The following ZNF704 variants were observed in gnomAD, a reference collection of about 807,000 sequenced individuals.
ZNF704 encodes the protein zinc finger protein 704, also known as glucocorticoid induced gene 1.
ZNF704 carries 10 observed loss-of-function variants against 44.7 expected under a neutral mutation model. That is an observed-to-expected ratio of 0.22 (90% CI 0.14 to 0.38). The LOEUF (loss-of-function observed/expected upper bound fraction) is 0.38. Among genes scored for constraint, ZNF704 ranks in the 10% least tolerant of loss-of-function variants. The pLI is 1.00. For missense variants in ZNF704, 390 were observed against 545.5 expected, an observed-to-expected ratio of 0.71 and a Z score of 2.84; for synonymous variants, 211 against 207.6, an observed-to-expected ratio of 1.02 and a Z score of -0.14.
chr8:80,715,194 G>A (rs1176760118), intron 2 of ZNF704, among the ~76,000 whole-genome samples: 2 of 152,198 alleles, frequency 1.3e-5, no homozygotes, highest in Admixed American at 1.3e-4. Flanking sequence ...AATACAGGAT[G>A]CATTTTCGGA....
At chr8:80,672,976 T>G (rs1176158822) in intron 4 of ZNF704, among the ~76,000 whole-genome samples, 1 of 152,078 alleles carries the variant, frequency 6.6e-6, no homozygotes, top group Non-Finnish European at 1.5e-5. Flanking sequence ...CTAATTAACG[T>G]AGTAAATAAC....
rs1817682341 is a variant in ZNF704 at position 80,637,601 on chromosome 8, A to G, written c.*3765T>C. On this transcript the variant is annotated 3_prime_UTR_variant, in exon 9 of 9. Coordinates refer to ENST00000327835, the MANE Select transcript of ZNF704 (RefSeq NM_001033723.3). The stretch of plus-strand genomic sequence containing the variant: ...TTCAAAAATCTTTTGCAACATATAC[A>G]CATGTGACTATCTCTTTGAAAAGTT... 6.6e-6 allele frequency: 1 copy of G among 152,206 alleles called. No homozygotes were observed. The highest frequency in any genetic ancestry group is 1.5e-5 in the Non-Finnish European group (1 of 68,026). The allele number at this position is 152,206 out of a possible 1,614,324, so 9.4% of individuals were successfully genotyped here. A position where few individuals can be genotyped will look rare whatever the true frequency, so the allele number is the denominator to read the frequency against.
chr8:80,792,343 C>T (rs1232573150), intron 2 of ZNF704, among the ~76,000 whole-genome samples: 1 of 152,182 alleles, frequency 6.6e-6, no homozygotes, highest in African/African-American at 2.4e-5. Flanking sequence ...AGGAATATTT[C>T]TTCTCAGGTT....
intron 1 of ZNF704, among the ~76,000 whole-genome samples, chr8:80,863,105 T>C (rs1809097117): frequency 1.3e-5 from 2 of 152,192 alleles, no homozygotes; most frequent in Admixed American, 1.3e-4. Context: ...TTTTTTCAAA[T>C]AGGTACTCTT....
At chr8:80,767,949 T>C (rs775054249) in intron 2 of ZNF704, among the ~76,000 whole-genome samples, 9 of 152,104 alleles carry the variant, frequency 5.9e-5, no homozygotes, top group Non-Finnish European at 1.3e-4. Flanking sequence ...TTCCCTGAGG[T>C]TTTCTTGAAC....
intron 2 of ZNF704, among the ~76,000 whole-genome samples, chr8:80,693,758 G>A (rs374410957): frequency 1.3e-5 from 2 of 152,156 alleles, no homozygotes; most frequent in East Asian, 1.9e-4. Context: ...GGAGAGCGGT[G>A]CAGAGCTAGT....
chr8:80,875,812 T>C (rs1012548525), upstream of ZNF704, among the ~76,000 whole-genome samples: 1 of 152,250 alleles, frequency 6.6e-6, no homozygotes, highest in Non-Finnish European at 1.5e-5. Flanking sequence ...TGCTCACTTA[T>C]GGTGGCTTCC....
At chr8:80,730,778 A>G (rs1292316512) in intron 2 of ZNF704, among the ~76,000 whole-genome samples, 1 of 152,070 alleles carries the variant, frequency 6.6e-6, no homozygotes, top group Admixed American at 6.5e-5. Flanking sequence ...TACCAGGGAG[A>G]AGTTAATCTC....
At chr8:80,833,468 A>G (rs1168296012) in intron 1 of ZNF704, among the ~76,000 whole-genome samples, 2 of 152,226 alleles carry the variant, frequency 1.3e-5, no homozygotes, top group Non-Finnish European at 1.5e-5. Flanking sequence ...CCTTATTTTA[A>G]ATTACATTCT....
chr8:80,646,965 T>C (rs1485081694), intron 7 of ZNF704, among the ~76,000 whole-genome samples: 5 of 152,232 alleles, frequency 3.3e-5, no homozygotes, highest in Non-Finnish European at 7.3e-5. Flanking sequence ...CCACGGATAA[T>C]GTGGAAGTTT....
chr8:80,852,026 T>A (rs1808873721), intron 1 of ZNF704, among the ~76,000 whole-genome samples: 1 of 152,208 alleles, frequency 6.6e-6, no homozygotes, highest in African/African-American at 2.4e-5. Flanking sequence ...AACGAACTTT[T>A]CTGGTAAGTG....
At chr8:80,864,045 C>G (rs904082474) in intron 1 of ZNF704, among the ~76,000 whole-genome samples, 2 of 152,098 alleles carry the variant, frequency 1.3e-5, no homozygotes, top group Non-Finnish European at 2.9e-5. Context: ...TGTTCTCTAC[C>G]AGTTTTTAAG....
At chr8:80,801,122 T>C (rs997584589) in intron 2 of ZNF704, among the ~76,000 whole-genome samples, 1 of 152,156 alleles carries the variant, frequency 6.6e-6, no homozygotes, top group African/African-American at 2.4e-5. Flanking sequence ...GAGGTAACTA[T>C]CCTAAATATA....
intron 7 of ZNF704, among the ~76,000 whole-genome samples, chr8:80,655,121 CAT>C (rs982481529): frequency 3.3e-5 from 5 of 150,440 alleles, no homozygotes; most frequent in African/African-American, 1.2e-4. Context: ...TGTTCTCACT[CAT>C]AGATGGGAAT....
At chr8:80,851,934 G>A (rs1808871101) in intron 1 of ZNF704, among the ~76,000 whole-genome samples, 1 of 144,178 alleles carries the variant, frequency 6.9e-6, no homozygotes, top group African/African-American at 2.9e-5. Context: ...GCTCATCCAG[G>A]CATGACCTCT....
At chr8:80,742,162 T>C (rs1287871601) in intron 2 of ZNF704, among the ~76,000 whole-genome samples, 1 of 151,816 alleles carries the variant, frequency 6.6e-6, no homozygotes, top group African/African-American at 2.4e-5. Flanking sequence ...GAAAGGGAAA[T>C]AGAAGGGAAC....
chr8:80,813,067 T>C (rs1808116369), intron 2 of ZNF704, among the ~76,000 whole-genome samples: 1 of 152,212 alleles, frequency 6.6e-6, no homozygotes, highest in Non-Finnish European at 1.5e-5. Flanking sequence ...GGTATAATGG[T>C]ACTCCTAAAC....
rs1024777895 is a variant in ZNF704, at chr8:80,635,883, G to C, written c.*5483C>G. 6.6e-6 allele frequency: 1 copy of C among 152,116 alleles called. No homozygotes were observed. The highest frequency in any genetic ancestry group is 1.5e-5 in the Non-Finnish European group (1 of 68,026). The allele number at this position is 152,116 out of a possible 1,614,324, so 9.4% of individuals were successfully genotyped here. ...TGCAGAGGGTTAATTAAAAAGATAT[G>C]CATCAAAACATTTGCTTAAAAGAGA... On this transcript the variant is annotated 3_prime_UTR_variant, in exon 9 of 9. Transcript: ENST00000327835.
intron 2 of ZNF704, among the ~76,000 whole-genome samples, chr8:80,696,573 A>C (rs1487371509): frequency 2.0e-5 from 3 of 151,804 alleles, no homozygotes; most frequent in Non-Finnish European, 4.4e-5. Context: ...ATGTGTCACC[A>C]CCCTCAGCTG....
Sources: gnomAD v4.1 joint callset for allele counts (sites outside exome capture counted in the v4.1 genomes callset) on GRCh38, gnomAD v4.1.1 for gene constraint, MANE v1.5 for transcripts, NCBI Gene and HGNC (gene_info 2026-07-23, HGNC 2026-07-21) for gene names.